Variants in PLCB4 observed in about 807,000 individuals in gnomAD.
PLCB4 encodes 1-phosphatidylinositol 4,5-bisphosphate phosphodiesterase beta-4.
In PLCB4, 77 loss-of-function variants were observed where a neutral mutation model predicts 178.8. The observed-to-expected ratio is 0.43, with a 90% confidence interval of 0.36 to 0.52. PLCB4 has a LOEUF of 0.52. Ranked by LOEUF, PLCB4 falls within the 20% of genes least tolerant of loss-of-function variation. PLCB4 has a pLI of 0.00. For synonymous variants in PLCB4, 496 were observed against 490.8 expected, an observed-to-expected ratio of 1.01 and a Z score of -0.14; for missense variants, 1,024 against 1,453.4, an observed-to-expected ratio of 0.70 and a Z score of 4.80.
At chr20:9,425,995 C>T (rs901107008) in intron 28 of PLCB4, among the ~76,000 whole-genome samples, 1 of 152,010 alleles carries the variant, frequency 6.6e-6, no homozygotes, top group African/African-American at 2.4e-5. Context: ...ATGTGCTGAA[C>T]CAGTGAGATA....
At chr20:9,325,996 C>T (rs897216391) in intron 4 of PLCB4, among the ~76,000 whole-genome samples, 8 of 152,144 alleles carry the variant, frequency 5.3e-5, no homozygotes, top group African/African-American at 1.9e-4. Context: ...CAAGATGACA[C>T]GTTCTTGCTG....
intron 4 of PLCB4, among the ~76,000 whole-genome samples, chr20:9,328,476 G>A (rs938865008): frequency 2.6e-5 from 4 of 152,308 alleles, no homozygotes; most frequent in South Asian, 2.1e-4. Context: ...GAATCCATAA[G>A]AAATGCAGTA....
intron 8 of PLCB4, among the ~76,000 whole-genome samples, chr20:9,365,101 G>A (rs988287594): frequency 2.0e-5 from 3 of 152,134 alleles, no homozygotes; most frequent in African/African-American, 4.8e-5. Context: ...GCTCAATGGA[G>A]GCACCCAGTC....
intron 15 of PLCB4, among the ~76,000 whole-genome samples, chr20:9,388,609 G>A (rs2037877914): frequency 6.6e-6 from 1 of 152,100 alleles, no homozygotes; most frequent in Non-Finnish European, 1.5e-5. Context: ...TCCCAGCTGA[G>A]GCAGAGTCAG....
chr20:9,323,794 G>A (rs1460418384), intron 4 of PLCB4, among the ~76,000 whole-genome samples: 5 of 152,088 alleles, frequency 3.3e-5, no homozygotes, highest in African/African-American at 4.8e-5. Flanking sequence ...TGCTACAACC[G>A]GGCCTTTCCT....
chr20:9,337,254 C>A, intron 5 of PLCB4, 48 bp downstream of exon 5: 2 of 1,364,584 alleles, frequency 1.5e-6, no homozygotes, highest in Non-Finnish European at 2.1e-6. Context: ...GTGGTTTAAG[C>A]CATTTTGTTT....
chr20:9,289,554 TG>T (rs1197968068), intron 3 of PLCB4, among the ~76,000 whole-genome samples: 1 of 152,132 alleles, frequency 6.6e-6, no homozygotes, highest in Admixed American at 6.6e-5. Flanking sequence ...GATAGTAATG[TG>T]GACATCTCCT....
intron 2 of PLCB4, among the ~76,000 whole-genome samples, chr20:9,148,331 C>A (rs1414544073): frequency 6.6e-6 from 1 of 152,092 alleles, no homozygotes; most frequent in African/African-American, 2.4e-5. Flanking sequence ...TATATAGGAA[C>A]AAATCACATT....
intron 13 of PLCB4, among the ~76,000 whole-genome samples, chr20:9,383,450 A>G (rs2037316778): frequency 6.6e-6 from 1 of 152,230 alleles, no homozygotes; most frequent in Non-Finnish European, 1.5e-5. Flanking sequence ...GTTCTTAAAT[A>G]AAACAAAAAC....
At chr20:9,475,269 T>C (rs1416497463) in intron 38 of PLCB4, among the ~76,000 whole-genome samples, 1 of 152,220 alleles carries the variant, frequency 6.6e-6, no homozygotes, top group Non-Finnish European at 1.5e-5. Flanking sequence ...TAGTGGTGTA[T>C]GCCAGAGCTA....
chr20:9,285,988 G>A (rs114814212), intron 3 of PLCB4, among the ~76,000 whole-genome samples: 3,390 of 152,096 alleles, frequency 0.022, 65 homozygotes, highest in African/African-American at 0.033. Flanking sequence ...TTTCAGATGG[G>A]GAAACTCCTT....
At chr20:9,253,281 G>A (rs935861095) in intron 3 of PLCB4, among the ~76,000 whole-genome samples, 1 of 152,158 alleles carries the variant, frequency 6.6e-6, no homozygotes, top group African/African-American at 2.4e-5. Flanking sequence ...AGCTATACTT[G>A]CTGGAGTTGC....
intron 25 of PLCB4, among the ~76,000 whole-genome samples, chr20:9,418,941 T>C (rs1335885589): frequency 6.6e-6 from 1 of 152,212 alleles, no homozygotes; most frequent in South Asian, 2.1e-4. Flanking sequence ...AGAATTGTTT[T>C]CTTAATTTCA....
intron 13 of PLCB4, among the ~76,000 whole-genome samples, chr20:9,383,206 A>G (rs1429117560): frequency 6.6e-6 from 1 of 152,210 alleles, no homozygotes; most frequent in East Asian, 1.9e-4. Flanking sequence ...AAACACCAAA[A>G]CTAGGATACT....
chr20:9,345,221 A>T (rs2033671253), intron 7 of PLCB4, among the ~76,000 whole-genome samples: 1 of 151,818 alleles, frequency 6.6e-6, no homozygotes, highest in Admixed American at 6.6e-5. Context: ...AAATGAAGGT[A>T]TTTTCCCATT....
chr20:9,376,640 T>A (rs1282962862), intron 12 of PLCB4, among the ~76,000 whole-genome samples: 1 of 152,214 alleles, frequency 6.6e-6, no homozygotes. Flanking sequence ...ATAAAACCTC[T>A]TGGCTTTGGT....
At chr20:9,230,172 C>A (rs981674758) in intron 3 of PLCB4, among the ~76,000 whole-genome samples, 66 of 152,064 alleles carry the variant, frequency 4.3e-4, no homozygotes, top group Non-Finnish European at 8.8e-5. Context: ...CTTTTTGTGT[C>A]CAAATTTCCT....
intron 2 of PLCB4, among the ~76,000 whole-genome samples, chr20:9,185,862 T>C (rs2093322205): frequency 6.6e-6 from 1 of 152,192 alleles, no homozygotes; most frequent in Non-Finnish European, 1.5e-5. Flanking sequence ...AAATCTCTCA[T>C]TTCCTTAGTT....
chr20:9,351,933 A>G (rs145366618), intron 7 of PLCB4, among the ~76,000 whole-genome samples: 29 of 152,340 alleles, frequency 1.9e-4, no homozygotes, highest in African/African-American at 6.5e-4. Context: ...AAACAACTCT[A>G]TGAACACCTT....
Sources: gnomAD v4.1 joint callset for allele counts (sites outside exome capture counted in the v4.1 genomes callset) on GRCh38, gnomAD v4.1.1 for gene constraint, MANE v1.5 for transcripts, NCBI Gene and HGNC (gene_info 2026-07-23, HGNC 2026-07-21) for gene names.